The following FBLN7 variants were observed in gnomAD, a reference collection of about 807,000 sequenced individuals.
FBLN7 encodes fibulin 7, also known as fibulin-7.
In FBLN7, 31 loss-of-function variants were observed where a neutral mutation model predicts 44.0. The ratio of observed to expected loss-of-function variants is 0.70; its 90% CI spans 0.53 to 0.95. The LOEUF (loss-of-function observed/expected upper bound fraction) is 0.95, where lower values mean the gene tolerates loss of function less well. FBLN7 is among the 40% of genes least tolerant of loss of function. FBLN7 has a pLI of 0.00. For missense variants in FBLN7, 573 were observed against 618.5 expected (o/e 0.93, Z 0.78); for synonymous variants, 262 against 253.4 (o/e 1.03, Z -0.32).
chr2:112,151,440 AT>A (rs1306784132), intron 1 of FBLN7: 2 of 152,144 alleles, frequency 1.3e-5, no homozygotes, highest in African/African-American at 2.4e-5. Context: ...CCCTCCCTGC[AT>A]CCTCACTTGC....
chr2:112,202,893 G>T, the FBLN7 span, among the ~76,000 whole-genome samples: 2 of 152,222 alleles, frequency 1.3e-5, no homozygotes, highest in South Asian at 4.1e-4. Context: ...TTACTGAAAA[G>T]CTACCTTCTC....
chr2:112,207,667 C>A, the FBLN7 span, among the ~76,000 whole-genome samples: 1 of 152,100 alleles, frequency 6.6e-6, no homozygotes, highest in Non-Finnish European at 1.5e-5. Context: ...CTCAGTTCTG[C>A]CAGTGTTTGC....
At chr2:112,173,985 C>T (rs1246806511) in intron 3 of FBLN7, among the ~76,000 whole-genome samples, 1 of 152,246 alleles carries the variant, frequency 6.6e-6, no homozygotes. Context: ...CCCCAACACC[C>T]ATCCACATGG....
the FBLN7 span, chr2:112,214,984 T>A: frequency 6.6e-6 from 1 of 152,184 alleles, no homozygotes; most frequent in Non-Finnish European, 1.5e-5. Flanking sequence ...CTCTGCGGTG[T>A]CTTTTAAGTT....
chr2:112,141,808 C>T (rs1336247585), intron 1 of FBLN7, among the ~76,000 whole-genome samples: 2 of 152,210 alleles, frequency 1.3e-5, no homozygotes, highest in East Asian at 1.9e-4. Flanking sequence ...AAACACCTGT[C>T]TCCTGAGGTT....
In FBLN7 at chr2:112,187,181, A is replaced by G. The variant is rs1355427736; in HGVS notation, c.995A>G (p.His332Arg). Residue 332 changes from histidine to arginine, a missense_variant, in exon 8 of 8, where the codon CAT becomes CGT. Transcript: ENST00000331203. This position sits in a 1 kb window ranked among gnomAD's most constrained non-coding sequence, Gnocchi z 5.1. ...PCPMDSRPCR[H>R]LPKTISFHYL... ...CCCATGGACAGCAGGCCCTGCCGCC[A>G]TCTGCCCAAGACCATCTCCTTCCAT... is the stretch of plus-strand genomic sequence containing the variant. 4.3e-6 allele frequency: 7 copies of G among 1,613,936 alleles called. No individual in the cohort carries two copies. Among genetic ancestry groups the G allele is most frequent in the Non-Finnish European group, 5.1e-6 (6 of 1,180,018 alleles).
At chr2:112,166,208 G>A (rs1288373782) in intron 3 of FBLN7, among the ~76,000 whole-genome samples, 2 of 152,260 alleles carry the variant, frequency 1.3e-5, no homozygotes, top group East Asian at 1.9e-4. Context: ...CCACCACCAC[G>A]TTCAGCTAAC....
At position 112,173,804 on chromosome 2, in the gene FBLN7, G is replaced by C. The variant is rs374904931; in HGVS notation, c.407-1910G>C. Among the ~76,000 whole-genome samples the C allele has an allele frequency of 1.7e-4, 26 of 152,362 alleles. 1 individual carries two copies. In the East Asian group the frequency reaches 1.7e-3, roughly 10 times the overall value. On this transcript the variant is annotated intron_variant, in intron 3 of 7. Coordinates refer to ENST00000331203, the MANE Select transcript of FBLN7 (RefSeq NM_153214.3). ...GTACTTCAATCAGGACACAGAGTGG[G>C]TGCCGGGCTGGACATCAGGCCATTG...
At chr2:112,142,873 GTGAT>G (rs1354557970) in intron 1 of FBLN7, among the ~76,000 whole-genome samples, 3 of 151,464 alleles carry the variant, frequency 2.0e-5, no homozygotes, top group Non-Finnish European at 4.4e-5. Flanking sequence ...GTCTGCGTGA[GTGAT>G]TGTATGTGTG....
chr2:112,181,738 GC>G lies in FBLN7; in HGVS notation c.534del (p.Ala179ProfsTer35), dbSNP rs1683005348. 7.2e-7 allele frequency: 1 copy of G among 1,381,186 alleles called. No individual in the cohort carries two copies. The allele number at this position is 1,381,186 out of a possible 1,614,324, so 85.6% of individuals were successfully genotyped here. A position where few individuals can be genotyped will look rare whatever the true frequency, so the allele number is the denominator to read the frequency against. ...GCACTGAGCGTGTCTTCTCCCCGCA[GC>G]CGCCCCCGAGGGCAGCGTGGCCGGC... ...GNRCQHQAQT[A>X]APEGSVAGDS... is the part of the protein sequence containing the mutation. On this transcript the variant is annotated frameshift_variant and splice_region_variant, in exon 5 of 8. Transcript: ENST00000331203. LOFTEE classifies it high-confidence loss of function.
the FBLN7 span, among the ~76,000 whole-genome samples, chr2:112,235,848 G>T: frequency 6.7e-6 from 1 of 149,976 alleles, no homozygotes; most frequent in Admixed American, 6.7e-5. Context: ...TAAAAAATTT[G>T]TAAGACTCAG....
Position 112,181,769 on chromosome 2 carries a change from CCGCCTTCAGCCGCG to C in FBLN7, c.568_581del (p.Phe190AlafsTer35). 1 of 1,423,776 alleles carries C rather than the reference CCGCCTTCAGCCGCG, an allele frequency of 7.0e-7. No homozygotes were observed. Among genetic ancestry groups the C allele is most frequent in the South Asian group, 1.4e-5 (1 of 69,032 alleles). The allele number at this position is 1,423,776 out of a possible 1,614,324, so 88.2% of individuals were successfully genotyped here. A position where few individuals can be genotyped will look rare whatever the true frequency, so the allele number is the denominator to read the frequency against. ...CCCGAGGGCAGCGTGGCCGGCGACTCCGCCTTCAGCCGCGCGCCGCGCTGTGCGCAGGTGGAGCG... is the reference window on the plus strand; with the variant it reads ...CCCGAGGGCAGCGTGGCCGGCGACTCCGCCGCGCTGTGCGCAGGTGGAGCG... On this transcript the variant is annotated frameshift_variant, in exon 5 of 8. Coordinates refer to ENST00000331203, the MANE Select transcript of FBLN7 (RefSeq NM_153214.3). LOFTEE classifies it high-confidence loss of function.
the FBLN7 span, among the ~76,000 whole-genome samples, chr2:112,200,120 G>C: frequency 6.6e-6 from 1 of 152,180 alleles, no homozygotes; most frequent in Non-Finnish European, 1.5e-5. Flanking sequence ...CTATATGTGG[G>C]TTCCTGGTGG....
At chr2:112,216,723 T>TA in the FBLN7 span, among the ~76,000 whole-genome samples, 1 of 147,432 alleles carries the variant, frequency 6.8e-6, no homozygotes, top group South Asian at 2.1e-4. Flanking sequence ...AAGAGTTGAC[T>TA]AACCTCAGAC....
At chr2:112,175,933 T>C in intron 4 of FBLN7, 94 bp downstream of exon 4, 1 of 1,460,026 alleles carries the variant, frequency 6.8e-7, no homozygotes, top group Non-Finnish European at 9.2e-7. Context: ...TGTAGGGAGC[T>C]CAGTCCCCCA....
rs1179128135 is a variant in FBLN7 at position 112,138,496 on chromosome 2, C to T, written c.-160C>T. 4.5e-6 allele frequency: 4 copies of T among 885,376 alleles called. No homozygotes were observed. The East Asian group carries it at 1.2e-4, about 27-fold the overall frequency. The allele number at this position is 885,376 out of a possible 1,614,324, so 54.8% of individuals were successfully genotyped here. A position where few individuals can be genotyped will look rare whatever the true frequency, so the allele number is the denominator to read the frequency against. On this transcript the variant is annotated 5_prime_UTR_variant, in exon 1 of 8. Coordinates refer to ENST00000331203, the MANE Select transcript of FBLN7 (RefSeq NM_153214.3). ...GGGCGGCGCCGATCCCCGCGGGACGCGCTGCGCTCGGGGCCTCCCGCCTCC... is the reference window on the plus strand; with the variant it reads ...GGGCGGCGCCGATCCCCGCGGGACGTGCTGCGCTCGGGGCCTCCCGCCTCC...
At chr2:112,186,331 G>C (rs1683265747) in intron 7 of FBLN7, among the ~76,000 whole-genome samples, 1 of 152,160 alleles carries the variant, frequency 6.6e-6, no homozygotes, top group African/African-American at 2.4e-5. Context: ...GGAAAACAGG[G>C]CTTCCTGCGT....
At chr2:112,210,454 G>A in the FBLN7 span, among the ~76,000 whole-genome samples, 1 of 151,812 alleles carries the variant, frequency 6.6e-6, no homozygotes, top group East Asian at 1.9e-4. Flanking sequence ...TCAGGAGTTC[G>A]AGACCAGCTT....
At chr2:112,193,169 G>A (rs556270993), downstream of FBLN7, among the ~76,000 whole-genome samples, 8 of 152,268 alleles carry the variant, frequency 5.3e-5, no homozygotes, top group South Asian at 2.1e-4. Context: ...GGCTGGGTGC[G>A]GTGGGTCACA....
Sources: gnomAD v4.1 joint callset for allele counts (sites outside exome capture counted in the v4.1 genomes callset) on GRCh38, gnomAD v4.1.1 for gene constraint, Gnocchi (gnomAD v3.1) non-coding constraint, MANE v1.5 for transcripts, NCBI Gene and HGNC (gene_info 2026-07-23, HGNC 2026-07-21) for gene names.